Variants in DDX60 observed in about 807,000 individuals in gnomAD.
DDX60 encodes probable ATP-dependent RNA helicase DDX60.
Under a neutral mutation model 212.8 loss-of-function variants are expected in DDX60, and 165 were observed. The ratio of observed to expected loss-of-function variants is 0.78; its 90% CI spans 0.68 to 0.88. The LOEUF (loss-of-function observed/expected upper bound fraction) is 0.88, where lower values mean the gene tolerates loss of function less well. DDX60 is among the 40% of genes least tolerant of loss of function. DDX60 has a pLI of 0.00. For synonymous variants in DDX60, 703 were observed against 685.3 expected (o/e 1.03, Z -0.40); for missense variants, 1,905 against 2,003.9 (o/e 0.95, Z 0.94).
At chr4:168,267,126 C>A (rs1420703677) in intron 22 of DDX60, among the ~76,000 whole-genome samples, 1 of 152,122 alleles carries the variant, frequency 6.6e-6, no homozygotes, top group African/African-American at 2.4e-5. Flanking sequence ...AAGACCTCCA[C>A]CTTACTGGCT....
At chr4:168,224,803 T>G (rs1733191166) in intron 34 of DDX60, among the ~76,000 whole-genome samples, 1 of 151,566 alleles carries the variant, frequency 6.6e-6, no homozygotes, top group Non-Finnish European at 1.5e-5. Context: ...AAATATATTT[T>G]CCATTTATAT....
At chr4:168,237,216 T>C (rs892520543) in intron 32 of DDX60, 70 bp downstream of exon 32, 146 of 1,113,182 alleles carry the variant, frequency 1.3e-4, no homozygotes, top group Admixed American at 2.3e-4. Flanking sequence ...CCTGAAGTGT[T>C]GTTTTTCTAC....
At chr4:168,246,131 G>A (rs1057325619) in intron 30 of DDX60, among the ~76,000 whole-genome samples, 2 of 152,044 alleles carry the variant, frequency 1.3e-5, no homozygotes, top group African/African-American at 4.8e-5. Context: ...TAAATCCATA[G>A]CCAGCACTTA....
intron 6 of DDX60, among the ~76,000 whole-genome samples, chr4:168,297,376 AAG>A (rs1458291309): frequency 8.9e-5 from 5 of 56,190 alleles, no homozygotes; most frequent in Admixed American, 1.5e-4. Flanking sequence ...GAAAGAAAGA[AAG>A]AAAGAGAAAG....
chr4:168,258,764 G>A (rs1734512661), intron 25 of DDX60, among the ~76,000 whole-genome samples: 1 of 152,020 alleles, frequency 6.6e-6, no homozygotes, highest in Non-Finnish European at 1.5e-5. Flanking sequence ...ATTTTGAGTT[G>A]AAAGCACTAG....
chr4:168,324,441 C>T, the DDX60 span, among the ~76,000 whole-genome samples: 2 of 152,146 alleles, frequency 1.3e-5, no homozygotes, highest in African/African-American at 4.8e-5. Flanking sequence ...TCCCTGAGGG[C>T]ACTAACAGAG....
chr4:168,251,432 G>C (rs1474864788), intron 27 of DDX60, among the ~76,000 whole-genome samples: 4 of 152,210 alleles, frequency 2.6e-5, no homozygotes, highest in Admixed American at 2.0e-4. Context: ...GGAGCCTCAG[G>C]AGTTTTCCCC....
intron 26 of DDX60, among the ~76,000 whole-genome samples, chr4:168,252,991 G>C (rs546895865): frequency 6.6e-6 from 1 of 152,182 alleles, no homozygotes; most frequent in African/African-American, 2.4e-5. Context: ...CTTCAGTAGA[G>C]ACGGGGTTTC....
At chr4:168,310,324 G>A (rs1178237453) in intron 3 of DDX60, among the ~76,000 whole-genome samples, 2 of 152,152 alleles carry the variant, frequency 1.3e-5, no homozygotes, top group Non-Finnish European at 2.9e-5. Flanking sequence ...AGAGAACCCT[G>A]ATAGACAGAA....
intron 22 of DDX60, chr4:168,263,610 A>G (rs1399048621): frequency 2.6e-5 from 4 of 152,146 alleles, no homozygotes; most frequent in African/African-American, 4.8e-5. Flanking sequence ...AAGAACCCTC[A>G]TGAATGGGAT....
chr4:168,274,214 T>G, intron 16 of DDX60, 131 bp from the exon 17 acceptor site: 1 of 1,101,520 alleles, frequency 9.1e-7, no homozygotes, highest in Non-Finnish European at 1.3e-6. Flanking sequence ...GAAGGTCTCA[T>G]GTCATTCTCT....
Position 168,308,047 on chromosome 4 carries a change from G to A in DDX60, c.223C>T (p.Leu75Phe). ...FYLVERYLVD[L>F]ISKGGQFTIV... ...GTGAATTGTCCTCCTTTGCTAATAA[G>A]ATCCACAAGATAGCGTTCAACCAGA... Residue 75 changes from leucine to phenylalanine, a missense_variant, in exon 4 of 38, where the codon CTT becomes TTT. Physicochemically the swap from Leu to Phe is conservative, Grantham distance 22. Transcript: ENST00000393743. 6.2e-7 allele frequency: 1 copy of A among 1,606,406 alleles called. No homozygotes were observed. Among genetic ancestry groups the A allele is most frequent in the Non-Finnish European group, 8.5e-7 (1 of 1,178,566 alleles).
rs530718810 is a variant in DDX60 at position 168,265,210 on chromosome 4, T to C, written c.3039+2372A>G. On this transcript the variant is annotated intron_variant, in intron 22 of 37. Transcript: ENST00000393743. ...ATCAGCTCACTGGTCCTGCCCCCAC[T>C]CCTGAAATCATTTTTATACTACAAC... is the stretch of plus-strand genomic sequence containing the variant. Among the ~76,000 whole-genome samples the C allele has an allele frequency of 2.0e-5, 3 of 152,280 alleles. No homozygotes were observed. The South Asian group carries it at 6.2e-4, about 32-fold the overall frequency.
At chr4:168,313,918 C>T (rs983630181) in intron 1 of DDX60, among the ~76,000 whole-genome samples, 1 of 152,016 alleles carries the variant, frequency 6.6e-6, no homozygotes, top group Non-Finnish European at 1.5e-5. Context: ...CGTGAGTGCC[C>T]GTTAAACACT....
intron 13 of DDX60, among the ~76,000 whole-genome samples, chr4:168,281,591 A>G (rs1735594746): frequency 6.6e-6 from 1 of 152,198 alleles, no homozygotes; most frequent in South Asian, 2.1e-4. Flanking sequence ...CTTCCTCAAT[A>G]AGCACTTCCA....
intron 14 of DDX60, among the ~76,000 whole-genome samples, chr4:168,279,557 AC>A (rs1735498116): frequency 1.3e-5 from 2 of 152,182 alleles, no homozygotes; most frequent in African/African-American, 4.8e-5. Flanking sequence ...GATTAATTAA[AC>A]CCAAAAACTA....
In DDX60 at chr4:168,259,142, T is replaced by G. The variant is rs115113915; in HGVS notation, c.3398+1723A>C. 5.8e-3 allele frequency among the ~76,000 whole-genome samples: 883 copies of G among 152,322 alleles called. 6 individuals are homozygous for G. Among genetic ancestry groups the G allele is most frequent in the African/African-American group, 0.02 (852 of 41,578 alleles). On this transcript the variant is annotated intron_variant, in intron 25 of 37. Coordinates refer to ENST00000393743, the MANE Select transcript of DDX60 (RefSeq NM_017631.6). ...AAACATACTACATACATGTGCATGC[T>G]TTTCTATTGATTTGTCTTATATCAG... is the stretch of plus-strand genomic sequence containing the variant.
intron 33 of DDX60, among the ~76,000 whole-genome samples, chr4:168,228,735 A>G (rs1733343836): frequency 6.6e-6 from 1 of 152,080 alleles, no homozygotes; most frequent in African/African-American, 2.4e-5. Flanking sequence ...ATCACACATA[A>G]CCCTTTCTAT....
At position 168,267,675 on chromosome 4, in the gene DDX60, C is replaced by T; in HGVS notation, c.2946G>A (p.Arg982=). 1.3e-6 allele frequency: 2 copies of T among 1,597,020 alleles called. No individual in the cohort carries two copies. Among genetic ancestry groups the T allele is most frequent in the African/African-American group, 1.3e-5 (1 of 74,332 alleles). ...ATACATGCTTCTCTAGATCATTATA[C>T]CTCTCTCCATAGAGCACTAAAAATG... is the stretch of plus-strand genomic sequence containing the variant. ...YKVRLVLYGE[R]YNDLEKHVCS... The change falls in exon 22 of 38, where the codon AGG becomes AGA. Residue 982 remains arginine, a synonymous_variant. Coordinates refer to ENST00000393743, the MANE Select transcript of DDX60 (RefSeq NM_017631.6).
Sources: gnomAD v4.1 joint callset for allele counts (sites outside exome capture counted in the v4.1 genomes callset) on GRCh38, gnomAD v4.1.1 for gene constraint, MANE v1.5 for transcripts, NCBI Gene and HGNC (gene_info 2026-07-23, HGNC 2026-07-21) for gene names.